RELN: variants seen among roughly 807,000 people sequenced by gnomAD.
RELN encodes reelin.
Under a neutral mutation model 427.6 loss-of-function variants are expected in RELN, and 108 were observed. That is an observed-to-expected ratio of 0.25 (90% CI 0.22 to 0.30). The LOEUF (loss-of-function observed/expected upper bound fraction) is 0.30. Among genes scored for constraint, RELN ranks in the 10% least tolerant of loss-of-function variants. The probability of loss-of-function intolerance (pLI) is 1.00; values close to 1 mark genes in which losing one functional copy is unlikely to be tolerated. For missense variants in RELN, 3,715 were observed against 4,302.8 expected (o/e 0.86, Z 3.82); for synonymous variants, 1,524 against 1,513.4 (o/e 1.01, Z -0.16).
At chr7:103,827,165 T>G (rs183194501) in intron 3 of RELN, among the ~76,000 whole-genome samples, 2 of 152,134 alleles carry the variant, frequency 1.3e-5, no homozygotes, top group East Asian at 3.9e-4. Context: ...TGGACTGTCG[T>G]TAAAAAATAT....
chr7:103,645,410 C>G (rs1832777928), intron 16 of RELN, among the ~76,000 whole-genome samples: 1 of 151,624 alleles, frequency 6.6e-6, no homozygotes, highest in Admixed American at 6.6e-5. Flanking sequence ...AAGACACTTA[C>G]AGACTAAAGA....
chr7:103,572,040 C>T, intron 31 of RELN, 144 bp downstream of exon 31: 1 of 680,314 alleles, frequency 1.5e-6, no homozygotes, highest in Admixed American at 2.1e-5. Context: ...CTCTGTGCAG[C>T]CACCGATTCT....
chr7:103,859,381 C>T (rs925597374), intron 2 of RELN, among the ~76,000 whole-genome samples: 1 of 152,152 alleles, frequency 6.6e-6, no homozygotes. Context: ...GAAACCTCCA[C>T]CTCCCAGGTT....
At chr7:103,875,392 A>C (rs1461675897) in intron 2 of RELN, among the ~76,000 whole-genome samples, 2 of 152,102 alleles carry the variant, frequency 1.3e-5, no homozygotes, top group East Asian at 3.9e-4. Context: ...TCTGCACAGC[A>C]AAAGAAACTA....
intron 20 of RELN, among the ~76,000 whole-genome samples, chr7:103,621,844 T>C (rs377329665): frequency 6.6e-6 from 1 of 152,076 alleles, no homozygotes; most frequent in African/African-American, 2.4e-5. Flanking sequence ...GGCGAAACCT[T>C]GTTTCTACTA....
At chr7:103,975,825 C>T (rs999121899) in intron 1 of RELN, among the ~76,000 whole-genome samples, 2 of 151,118 alleles carry the variant, frequency 1.3e-5, no homozygotes, top group Admixed American at 6.6e-5. Context: ...GGATTACAGG[C>T]GTGAGCCACC....
intron 2 of RELN, among the ~76,000 whole-genome samples, chr7:103,863,537 T>C (rs1302994415): frequency 2.6e-5 from 4 of 152,156 alleles, no homozygotes; most frequent in Non-Finnish European, 5.9e-5. Context: ...ACATCAGTTT[T>C]CTTAACCACA....
chr7:103,585,739 T>C (rs1831254741), intron 28 of RELN, among the ~76,000 whole-genome samples: 1 of 151,960 alleles, frequency 6.6e-6, no homozygotes, highest in African/African-American at 2.4e-5. Flanking sequence ...ATACCAAAAT[T>C]AGGCAAGGGC....
chr7:103,800,904 T>G (rs901013882), intron 3 of RELN, among the ~76,000 whole-genome samples: 20 of 152,030 alleles, frequency 1.3e-4, no homozygotes, highest in African/African-American at 4.8e-4. Context: ...AACAACCTGA[T>G]GAAAAAGTGG....
Position 103,809,665 on chromosome 7 carries a change from C to T in RELN, c.473+23872G>A, listed in dbSNP as rs1792688392. On this transcript the variant is annotated intron_variant, in intron 3 of 64. Transcript: ENST00000428762. ...AATTACAGTGCAGTCTTTGACCCGT[C>T]TGGGCTGTGAATGGTATTTACATAA... Among the ~76,000 whole-genome samples, 4 of 152,168 alleles carry T rather than the reference C, an allele frequency of 2.6e-5. No individual in the cohort carries two copies. The South Asian group carries it at 8.3e-4, about 31-fold the overall frequency.
chr7:103,961,291 A>G (rs1170025581), intron 1 of RELN, among the ~76,000 whole-genome samples: 2 of 152,196 alleles, frequency 1.3e-5, no homozygotes, highest in African/African-American at 4.8e-5. Flanking sequence ...ACTGAACATT[A>G]TAAGTTATGG....
chr7:103,568,041 C>T (rs533942171), intron 31 of RELN, among the ~76,000 whole-genome samples: 1 of 152,258 alleles, frequency 6.6e-6, no homozygotes, highest in South Asian at 2.1e-4. Flanking sequence ...AAGCGATCTG[C>T]CTGCCTCAGC....
chr7:103,981,903 A>T (rs1056760702), intron 1 of RELN, among the ~76,000 whole-genome samples: 8 of 152,340 alleles, frequency 5.3e-5, no homozygotes, highest in African/African-American at 1.9e-4. Context: ...GCAGTGGCTC[A>T]TGCCTGTTAT....
At chr7:103,806,501 T>A (rs1792603596) in intron 3 of RELN, among the ~76,000 whole-genome samples, 1 of 152,046 alleles carries the variant, frequency 6.6e-6, no homozygotes, top group African/African-American at 2.4e-5. Context: ...ATTTTTGTAT[T>A]TTTAGTAGAG....
intron 10 of RELN, among the ~76,000 whole-genome samples, chr7:103,687,079 C>T (rs191708124): frequency 1.3e-5 from 2 of 152,144 alleles, no homozygotes; most frequent in South Asian, 2.1e-4. Context: ...ATTTGAACTA[C>T]TTTGTACTAC....
At chr7:103,934,341 G>A (rs1343726389) in intron 1 of RELN, among the ~76,000 whole-genome samples, 1 of 152,132 alleles carries the variant, frequency 6.6e-6, no homozygotes, top group Non-Finnish European at 1.5e-5. Context: ...ATGCCTGCCA[G>A]ACACATTATT....
chr7:103,473,294 T>C (rs917293172), intron 64 of RELN, among the ~76,000 whole-genome samples: 5 of 152,242 alleles, frequency 3.3e-5, no homozygotes, highest in African/African-American at 1.2e-4. Flanking sequence ...TATTTAAATA[T>C]ATCTTTAACA....
chr7:103,563,845 T>A lies in RELN; in HGVS notation c.5210+1433A>T, dbSNP rs998529894. ...ACAAATACTTGGAATTATGTTACAA[T>A]TGCTTACAGTATTTAGTATAGCAAT... On this transcript the variant is annotated intron_variant, in intron 34 of 64. Transcript: ENST00000428762. This position sits in a 1 kb window ranked among gnomAD's most constrained non-coding sequence, Gnocchi z 4.1. 2.6e-5 allele frequency among the ~76,000 whole-genome samples: 4 copies of A among 152,242 alleles called. No homozygotes were observed. Among genetic ancestry groups the A allele is most frequent in the Non-Finnish European group, 5.9e-5 (4 of 68,040 alleles).
rs1213967477 is a variant in RELN at position 103,523,640 on chromosome 7, C to G, written c.7350-109G>C. ...GTGTAACACAAAAGCATGTACATTC[C>G]TACTTCTTTTCTGAAAAGAACATTC... is the stretch of plus-strand genomic sequence containing the variant. On this transcript the variant is annotated intron_variant, in intron 46 of 64. Transcript: ENST00000428762. 3.9e-6 allele frequency: 4 copies of G among 1,030,600 alleles called. No homozygotes were observed. In the Admixed American group the frequency reaches 7.9e-5, roughly 20 times the overall value. The allele number at this position is 1,030,600 out of a possible 1,614,324, so 63.8% of individuals were successfully genotyped here.
Sources: gnomAD v4.1 joint callset for allele counts (sites outside exome capture counted in the v4.1 genomes callset) on GRCh38, gnomAD v4.1.1 for gene constraint, Gnocchi (gnomAD v3.1) non-coding constraint, MANE v1.5 for transcripts, NCBI Gene and HGNC (gene_info 2026-07-23, HGNC 2026-07-21) for gene names.